RAB38: variants seen among roughly 807,000 people sequenced by gnomAD.
The protein encoded by RAB38 is RAB38, member RAS oncogene family, also known as ras-related protein Rab-38.
In RAB38, 15 loss-of-function variants were observed where a neutral mutation model predicts 18.4. The ratio of observed to expected loss-of-function variants is 0.82; its 90% CI spans 0.55 to 1.26. RAB38 has a LOEUF of 1.26. Among genes scored for constraint, RAB38 ranks in the 50% most tolerant of loss-of-function variants. The probability of loss-of-function intolerance (pLI) is 0.00; values close to 1 mark genes in which losing one functional copy is unlikely to be tolerated. For missense variants in RAB38, 294 were observed against 267.4 expected (o/e 1.10, Z -0.69); for synonymous variants, 101 against 104.4 (o/e 0.97, Z 0.20).
chr11:87,845,670 T>C, the RAB38 span, among the ~76,000 whole-genome samples: 1 of 152,116 alleles, frequency 6.6e-6, no homozygotes, highest in Non-Finnish European at 1.5e-5. Flanking sequence ...CATAAAAGTC[T>C]TACATTTATA....
the RAB38 span, among the ~76,000 whole-genome samples, chr11:88,084,048 A>G: frequency 4.7e-3 from 718 of 152,110 alleles, 6 homozygotes; most frequent in African/African-American, 0.017. Context: ...TAGATATTGA[A>G]TAAGAATATT....
intron 2 of RAB38, among the ~76,000 whole-genome samples, chr11:88,148,590 A>G (rs1028843889): frequency 2.0e-5 from 3 of 152,188 alleles, no homozygotes; most frequent in Non-Finnish European, 2.9e-5. Context: ...TCCTCAGCCT[A>G]TTAGAATGAT....
At chr11:87,823,704 T>C in the RAB38 span, among the ~76,000 whole-genome samples, 1 of 152,282 alleles carries the variant, frequency 6.6e-6, no homozygotes, top group South Asian at 2.1e-4. Context: ...GTCGTAGCAA[T>C]TTTATTCATA....
chr11:88,018,858 G>A, the RAB38 span, among the ~76,000 whole-genome samples: 1 of 151,970 alleles, frequency 6.6e-6, no homozygotes, highest in Non-Finnish European at 1.5e-5. Context: ...AGATTGATTG[G>A]TTGAATCTGA....
the RAB38 span, among the ~76,000 whole-genome samples, chr11:88,017,738 A>G: frequency 2.1e-5 from 3 of 144,806 alleles, no homozygotes; most frequent in South Asian, 6.3e-4. Context: ...ATATATATAT[A>G]ATATATATTT....
At chr11:87,954,208 T>TTTGA in the RAB38 span, among the ~76,000 whole-genome samples, 4 of 152,158 alleles carry the variant, frequency 2.6e-5, no homozygotes, top group Non-Finnish European at 5.9e-5. Flanking sequence ...ATCCCCTTCC[T>TTTGA]TTGATTGTCC....
the RAB38 span, among the ~76,000 whole-genome samples, chr11:87,955,675 TATCA>T: frequency 1.4e-4 from 20 of 138,840 alleles, no homozygotes; most frequent in Middle Eastern, 3.2e-3. Context: ...ATCATCTATC[TATCA>T]ATCAATCTTT....
At chr11:88,030,685 T>C in the RAB38 span, among the ~76,000 whole-genome samples, 1 of 152,226 alleles carries the variant, frequency 6.6e-6, no homozygotes, top group Non-Finnish European at 1.5e-5. Flanking sequence ...CAGGAAGAAG[T>C]TGAATCTCTG....
At chr11:88,162,178 G>A (rs1316173826) in intron 1 of RAB38, among the ~76,000 whole-genome samples, 2 of 152,070 alleles carry the variant, frequency 1.3e-5, no homozygotes, top group Non-Finnish European at 2.9e-5. Flanking sequence ...AAGCCTATTT[G>A]ACAGTCTGGC....
chr11:88,087,426 C>T, the RAB38 span, among the ~76,000 whole-genome samples: 1 of 151,952 alleles, frequency 6.6e-6, no homozygotes, highest in Non-Finnish European at 1.5e-5. Context: ...TGATGCAGAA[C>T]AGATGAGCCC....
the RAB38 span, among the ~76,000 whole-genome samples, chr11:87,872,485 G>A: frequency 3.3e-5 from 5 of 151,344 alleles, no homozygotes; most frequent in African/African-American, 1.2e-4. Context: ...TTACATTAGC[G>A]TTCACTCTTA....
chr11:88,014,020 G>T, the RAB38 span, among the ~76,000 whole-genome samples: 1 of 152,086 alleles, frequency 6.6e-6, no homozygotes, highest in African/African-American at 2.4e-5. Context: ...TATTGTTATG[G>T]TATTAAGTGG....
At chr11:88,084,366 A>C in the RAB38 span, among the ~76,000 whole-genome samples, 4 of 151,716 alleles carry the variant, frequency 2.6e-5, no homozygotes, top group African/African-American at 9.7e-5. Context: ...AAAGGGATGA[A>C]ATATAAAAGT....
At chr11:87,929,466 G>A in the RAB38 span, among the ~76,000 whole-genome samples, 2 of 151,748 alleles carry the variant, frequency 1.3e-5, no homozygotes, top group Admixed American at 1.3e-4. Flanking sequence ...CAGTCTGAAT[G>A]GGAGTTGAAT....
At chr11:88,133,036 T>C (rs1435703666) in intron 2 of RAB38, among the ~76,000 whole-genome samples, 1 of 152,164 alleles carries the variant, frequency 6.6e-6, no homozygotes, top group East Asian at 1.9e-4. Flanking sequence ...AATAGAAATA[T>C]TGTGGTCTAG....
chr11:87,808,188 G>A, the RAB38 span, among the ~76,000 whole-genome samples: 2 of 152,096 alleles, frequency 1.3e-5, no homozygotes, highest in African/African-American at 2.4e-5. Flanking sequence ...CCATATGATC[G>A]AGGAATCTCA....
chr11:88,023,036 A>G, the RAB38 span, among the ~76,000 whole-genome samples: 1 of 152,146 alleles, frequency 6.6e-6, no homozygotes, highest in Non-Finnish European at 1.5e-5. Flanking sequence ...GATCAGGAAA[A>G]AGAACTAATG....
the RAB38 span, among the ~76,000 whole-genome samples, chr11:88,105,531 GT>G: frequency 2.0e-5 from 3 of 152,120 alleles, no homozygotes; most frequent in South Asian, 6.2e-4. Context: ...CTTATACACA[GT>G]TAAACTAAGA....
chr11:88,067,407 C>G, the RAB38 span, among the ~76,000 whole-genome samples: 1 of 150,802 alleles, frequency 6.6e-6, no homozygotes. Context: ...TCACATAGCA[C>G]CATTAAGTAA....
Sources: gnomAD v4.1 joint callset for allele counts (sites outside exome capture counted in the v4.1 genomes callset) on GRCh38, gnomAD v4.1.1 for gene constraint, MANE v1.5 for transcripts, NCBI Gene and HGNC (gene_info 2026-07-23, HGNC 2026-07-21) for gene names.